The following NPHP4 variants were observed in gnomAD, a reference collection of about 807,000 sequenced individuals.
The protein encoded by NPHP4 is nephrocystin 4.
A neutral mutation model predicts 155.8 loss-of-function variants in NPHP4; 151 were observed. That is an observed-to-expected ratio of 0.97 (90% CI 0.85 to 1.11). NPHP4 has a LOEUF of 1.11. Among genes scored for constraint, NPHP4 ranks in the 50% least tolerant of loss-of-function variants. The probability of loss-of-function intolerance (pLI) is 0.00; values close to 1 mark genes in which losing one functional copy is unlikely to be tolerated. For synonymous variants in NPHP4, 845 were observed against 816.8 expected (o/e 1.03, Z -0.59); for missense variants, 1,956 against 1,925.7 (o/e 1.02, Z -0.29).
intron 16 of NPHP4, among the ~76,000 whole-genome samples, chr1:5,896,352 G>A (rs2101004951): frequency 6.6e-6 from 1 of 152,242 alleles, no homozygotes; most frequent in East Asian, 1.9e-4. Flanking sequence ...TATCAAACTG[G>A]AGCTAAGAAT....
chr1:5,938,747 A>C (rs945749798), intron 9 of NPHP4, among the ~76,000 whole-genome samples: 1 of 152,244 alleles, frequency 6.6e-6, no homozygotes, highest in South Asian at 2.1e-4. Flanking sequence ...AATCTGACTG[A>C]TTTTCAATGT....
intron 5 of NPHP4, among the ~76,000 whole-genome samples, chr1:5,966,770 C>T (rs1001101426): frequency 1.1e-4 from 16 of 152,212 alleles, no homozygotes; most frequent in Non-Finnish European, 2.2e-4. Context: ...CCACCACACG[C>T]CCTTCCTGTC....
intron 9 of NPHP4, among the ~76,000 whole-genome samples, chr1:5,946,014 C>G (rs1291356450): frequency 6.6e-6 from 1 of 152,140 alleles, no homozygotes; most frequent in Non-Finnish European, 1.5e-5. Flanking sequence ...ACTTTTATTA[C>G]TGTATATTAT....
At chr1:5,886,479 T>C (rs935598651) in intron 18 of NPHP4, 14 of 152,260 alleles carry the variant, frequency 9.2e-5, no homozygotes, top group African/African-American at 2.9e-4. Flanking sequence ...CTGAATCTCA[T>C]GCAGACAGAC....
intron 22 of NPHP4, 146 bp from the exon 23 acceptor site, chr1:5,873,481 G>A: frequency 1.5e-6 from 1 of 676,358 alleles, no homozygotes. Context: ...TCACCAACCG[G>A]CCTCACTGTG....
At position 5,899,339 on chromosome 1, in the gene NPHP4, CG is replaced by C. The variant is rs111908066; in HGVS notation, c.2143+5277del. Among the ~76,000 whole-genome samples the C allele has an allele frequency of 3.3e-3, 497 of 152,276 alleles. 3 individuals carry two copies. The highest frequency in any genetic ancestry group is 0.011 in the African/African-American group (468 of 41,542). On this transcript the variant is annotated intron_variant, in intron 16 of 29. Transcript: ENST00000378156. The stretch of plus-strand genomic sequence containing the variant: ...TTCTCTACAGCCAGGAAAACAGAAA[CG>C]CTACTGCTATAGACAGAACAGGGAC...
intron 10 of NPHP4, among the ~76,000 whole-genome samples, chr1:5,932,337 T>C (rs1220080024): frequency 6.6e-6 from 1 of 152,244 alleles, no homozygotes; most frequent in African/African-American, 2.4e-5. Flanking sequence ...TCATAGTCAA[T>C]CTTCTCAAAC....
chr1:5,973,009 C>A lies in NPHP4; in HGVS notation c.280-3750G>T, dbSNP rs1652862469. On this transcript the variant is annotated intron_variant, in intron 3 of 29. Coordinates refer to ENST00000378156, the MANE Select transcript of NPHP4 (RefSeq NM_015102.5). ...AGGTGATTCTCTAGCCTCAGCCTCC[C>A]AAGTAGCTGGGATTACGCGTGTGTG... is the stretch of plus-strand genomic sequence containing the variant. Among the ~76,000 whole-genome samples the A allele has an allele frequency of 2.6e-5, 4 of 152,204 alleles. No individual in the cohort carries two copies. In the South Asian group the frequency reaches 8.3e-4, roughly 31 times the overall value.
At chr1:5,866,901 C>A in intron 25 of NPHP4, 129 bp downstream of exon 25, 1 of 722,746 alleles carries the variant, frequency 1.4e-6, no homozygotes. Context: ...CCCTTTAGTA[C>A]CTTGGGAAAG....
intron 18 of NPHP4, chr1:5,886,674 C>G (rs907903342): frequency 2.0e-5 from 3 of 152,408 alleles, no homozygotes; most frequent in Non-Finnish European, 4.4e-5. Flanking sequence ...TCCCTTGACA[C>G]CCCATCAGCA....
intron 18 of NPHP4, among the ~76,000 whole-genome samples, chr1:5,883,756 A>G (rs909112310): frequency 6.6e-6 from 1 of 152,178 alleles, no homozygotes; most frequent in Admixed American, 6.5e-5. Flanking sequence ...TGAATCGCAG[A>G]CGAGGCCTCT....
intron 9 of NPHP4, among the ~76,000 whole-genome samples, chr1:5,934,931 C>T (rs1219093506): frequency 6.6e-6 from 1 of 152,148 alleles, no homozygotes; most frequent in East Asian, 1.9e-4. Flanking sequence ...GCTGGACATG[C>T]CAGTGGGGAA....
intron 18 of NPHP4, chr1:5,881,738 C>T (rs576761979): frequency 5.3e-5 from 8 of 152,380 alleles, no homozygotes; most frequent in Admixed American, 2.6e-4. Context: ...TCACATTCTC[C>T]TAATTCTTAA....
intron 4 of NPHP4, among the ~76,000 whole-genome samples, chr1:5,968,560 C>G (rs184469099): frequency 6.6e-6 from 1 of 151,722 alleles, no homozygotes; most frequent in African/African-American, 2.4e-5. Flanking sequence ...AATGTTGCAC[C>G]ACTGCACTAC....
chr1:5,981,782 T>G (rs1336023436), intron 2 of NPHP4, among the ~76,000 whole-genome samples: 1 of 152,242 alleles, frequency 6.6e-6, no homozygotes, highest in African/African-American at 2.4e-5. Context: ...ATTCCTGCAG[T>G]AAGCCCCACT....
rs1641224707 is a variant in NPHP4 at position 5,866,362 on chromosome 1, T to C, written c.3644+11A>G. On this transcript the variant is annotated intron_variant, in intron 26 of 29. Coordinates refer to ENST00000378156, the MANE Select transcript of NPHP4 (RefSeq NM_015102.5). The stretch of plus-strand genomic sequence containing the variant: ...CCACCGCCTCCAGGTCCCCAAAGCC[T>C]GTGCACTTACGAGTAAATGATGACA... The C allele has an allele frequency of 1.3e-6, 2 of 1,578,964 alleles. No homozygotes were observed. Among genetic ancestry groups the C allele is most frequent in the African/African-American group, 2.7e-5 (2 of 74,390 alleles).
Position 5,905,644 on chromosome 1 carries a change from G to C in NPHP4, c.1751C>G (p.Thr584Ser). 1 of 1,613,948 alleles carries C rather than the reference G, an allele frequency of 6.2e-7. No homozygotes were observed. The highest frequency in any genetic ancestry group is 1.3e-5 in the African/African-American group (1 of 75,050). Reference protein sequence around the residue: ...TPLHAPIVVGTQTRSSAGQPS... With the variant: ...TPLHAPIVVGSQTRSSAGQPS... The stretch of plus-strand genomic sequence containing the variant: ...ACCCACACCTCACCTCCTGGTCTGG[G>C]TTCCCACAACAATAGGGGCATGCAA... Residue 584 changes from threonine (T) to serine (S), a missense_variant, in exon 14 of 30, where the codon ACC becomes AGC. Physicochemically the swap from Thr to Ser is moderately conservative, Grantham distance 58. Transcript: ENST00000378156. The surrounding 1 kb of genome is among the most constrained non-coding windows in gnomAD (Gnocchi z 4.0).
intron 10 of NPHP4, among the ~76,000 whole-genome samples, chr1:5,930,916 A>C (rs1330204374): frequency 1.3e-5 from 2 of 152,172 alleles, no homozygotes; most frequent in East Asian, 1.9e-4. Flanking sequence ...CTTTCAGTTC[A>C]ATCAGTTTTT....
At chr1:5,908,432 T>G (rs1025635366) in intron 12 of NPHP4, among the ~76,000 whole-genome samples, 3 of 152,148 alleles carry the variant, frequency 2.0e-5, no homozygotes, top group Non-Finnish European at 4.4e-5. Context: ...AAAGTCAATT[T>G]CCAGGATGAT....
Sources: gnomAD v4.1 joint callset for allele counts (sites outside exome capture counted in the v4.1 genomes callset) on GRCh38, gnomAD v4.1.1 for gene constraint, Gnocchi (gnomAD v3.1) non-coding constraint, MANE v1.5 for transcripts, NCBI Gene and HGNC (gene_info 2026-07-23, HGNC 2026-07-21) for gene names.